The following CFAP77 variants were observed in gnomAD, a reference collection of about 807,000 sequenced individuals.
CFAP77 encodes cilia- and flagella-associated protein 77.
In CFAP77, 25 loss-of-function variants were observed where a neutral mutation model predicts 31.1. The observed-to-expected ratio is 0.80, with a 90% CI of 0.59 to 1.12. The LOEUF (loss-of-function observed/expected upper bound fraction) is 1.12, where lower values mean the gene tolerates loss of function less well. CFAP77 is among the 50% of genes most tolerant of loss of function. The probability of loss-of-function intolerance (pLI) is 0.00; values close to 1 mark genes in which losing one functional copy is unlikely to be tolerated. For synonymous variants in CFAP77, 151 were observed against 159.9 expected, an observed-to-expected ratio of 0.94 and a Z score of 0.42; for missense variants, 377 against 397.3, an observed-to-expected ratio of 0.95 and a Z score of 0.44.
intron 5 of CFAP77, among the ~76,000 whole-genome samples, chr9:132,561,100 C>T (rs1400660301): frequency 6.6e-6 from 1 of 152,140 alleles, no homozygotes. Flanking sequence ...AGCCTGCTCT[C>T]CCACGATGTC....
intron 5 of CFAP77, among the ~76,000 whole-genome samples, chr9:132,561,372 C>A (rs191080968): frequency 3.3e-5 from 5 of 151,722 alleles, no homozygotes; most frequent in Admixed American, 6.6e-5. Context: ...TTTTCCCCCC[C>A]CAAATCCTCC....
chr9:132,570,176 C>G (rs1054060573), intron 5 of CFAP77, among the ~76,000 whole-genome samples: 1 of 152,206 alleles, frequency 6.6e-6, no homozygotes, highest in Non-Finnish European at 1.5e-5. Context: ...CTGTGCAAGG[C>G]CTTCTCTCTT....
intron 1 of CFAP77, among the ~76,000 whole-genome samples, chr9:132,415,725 G>C (rs1197955201): frequency 6.6e-6 from 1 of 152,086 alleles, no homozygotes; most frequent in African/African-American, 2.4e-5. Context: ...CTGCCTGCTT[G>C]TTCCTTATTT....
chr9:132,572,221 C>T (rs935190406), intron 5 of CFAP77, among the ~76,000 whole-genome samples, 167 bp from the exon 6 acceptor site: 6 of 152,144 alleles, frequency 3.9e-5, no homozygotes, highest in South Asian at 2.1e-4. Flanking sequence ...CTCTCTGCCT[C>T]GTGGCTCAGC....
intron 3 of CFAP77, among the ~76,000 whole-genome samples, chr9:132,519,046 G>A (rs1414694936): frequency 3.9e-5 from 6 of 152,160 alleles, no homozygotes; most frequent in Non-Finnish European, 8.8e-5. Context: ...CAGGCAGGGA[G>A]TGTGAGCTGT....
At chr9:132,542,723 G>GGGTCCCACCCCCCCTCCCCC (rs1852666471) in intron 4 of CFAP77, among the ~76,000 whole-genome samples, 1 of 152,146 alleles carries the variant, frequency 6.6e-6, no homozygotes, top group Non-Finnish European at 1.5e-5. Flanking sequence ...GGGTGTCCTG[G>GGGTCCCACCCCCCCTCCCCC]GGTCCCACCC....
At position 132,498,412 on chromosome 9, in the gene CFAP77, C is replaced by G. The variant is rs548074722; in HGVS notation, c.196-283C>G. Among the ~76,000 whole-genome samples, 2 of 152,246 alleles carry G rather than the reference C, an allele frequency of 1.3e-5. No individual in the cohort carries two copies. The highest frequency in any genetic ancestry group is 4.8e-5 in the African/African-American group (2 of 41,536). On this transcript the variant is annotated intron_variant, in intron 1 of 5. Transcript: ENST00000393216. The surrounding 1 kb of genome is among the most constrained non-coding windows in gnomAD (Gnocchi z 4.2). The stretch of plus-strand genomic sequence containing the variant: ...AGCGGCTCAGCTCGGGGACTGTGCT[C>G]CCCACTCCAACAATACACATGTACC...
chr9:132,414,403 G>A (rs970043487), intron 1 of CFAP77, among the ~76,000 whole-genome samples: 6 of 152,022 alleles, frequency 3.9e-5, no homozygotes, highest in Non-Finnish European at 8.8e-5. Flanking sequence ...ACATGCACAC[G>A]TTTATAACTG....
chr9:132,488,632 G>A (rs1281552270), intron 1 of CFAP77, among the ~76,000 whole-genome samples: 3 of 152,340 alleles, frequency 2.0e-5, no homozygotes, highest in Non-Finnish European at 4.4e-5. Flanking sequence ...GGTAGCTTCG[G>A]ATCAAAGCAA....
intron 1 of CFAP77, among the ~76,000 whole-genome samples, chr9:132,420,434 C>G (rs555999389): frequency 6.6e-6 from 1 of 151,722 alleles, no homozygotes; most frequent in East Asian, 1.9e-4. Flanking sequence ...GGGCGGATCA[C>G]TTGAGGCCAG....
At chr9:132,533,935 G>A (rs1318428675) in intron 3 of CFAP77, among the ~76,000 whole-genome samples, 2 of 152,148 alleles carry the variant, frequency 1.3e-5, no homozygotes, top group Non-Finnish European at 2.9e-5. Flanking sequence ...TGGTCTAGAG[G>A]CTTGATTACA....
Position 132,545,295 on chromosome 9 carries a change from G to A in CFAP77, c.732+2248G>A, listed in dbSNP as rs1055251666. Among the ~76,000 whole-genome samples, 1 of 152,206 alleles carries A rather than the reference G, an allele frequency of 6.6e-6. No homozygotes were observed. Among genetic ancestry groups the A allele is most frequent in the East Asian group, 1.9e-4 (1 of 5,194 alleles). ...TGCATATTACTTCATTTCAGCCTCAGAACAAGAGTCCTGACCAGGTGGTGC... is the reference window on the plus strand; with the variant it reads ...TGCATATTACTTCATTTCAGCCTCAAAACAAGAGTCCTGACCAGGTGGTGC... On this transcript the variant is annotated intron_variant, in intron 5 of 5. Transcript: ENST00000393216. This position sits in a 1 kb window ranked among gnomAD's most constrained non-coding sequence, Gnocchi z 4.6.
At chr9:132,519,116 G>A (rs1331800429) in intron 3 of CFAP77, among the ~76,000 whole-genome samples, 1 of 149,586 alleles carries the variant, frequency 6.7e-6, no homozygotes, top group East Asian at 2.0e-4. Context: ...CCACCCCCAT[G>A]TTCAGACATA....
chr9:132,503,786 C>T (rs1256037260), intron 3 of CFAP77, among the ~76,000 whole-genome samples: 3 of 152,128 alleles, frequency 2.0e-5, no homozygotes, highest in Non-Finnish European at 4.4e-5. Flanking sequence ...CAGTGGCTCA[C>T]GCCTGTAATC....
At chr9:132,438,519 G>GTATATATATATATATATATATATATATA (rs34631762) in intron 1 of CFAP77, among the ~76,000 whole-genome samples, 1 of 116,676 alleles carries the variant, frequency 8.6e-6, no homozygotes, top group African/African-American at 3.4e-5. Flanking sequence ...AACAGATATG[G>GTATATATATATATATATATATATATATA]TATATATATA....
chr9:132,421,888 G>A (rs1338745534), intron 1 of CFAP77, among the ~76,000 whole-genome samples: 7 of 152,210 alleles, frequency 4.6e-5, no homozygotes, highest in Admixed American at 4.6e-4. Context: ...CTGCACACCT[G>A]AATGGCTTCT....
At chr9:132,440,873 T>C (rs938451740) in intron 1 of CFAP77, among the ~76,000 whole-genome samples, 1 of 152,182 alleles carries the variant, frequency 6.6e-6, no homozygotes, top group East Asian at 1.9e-4. Flanking sequence ...CTATTTTACA[T>C]AGACACTTTC....
intron 3 of CFAP77, among the ~76,000 whole-genome samples, chr9:132,529,185 T>G (rs1375876855): frequency 1.9e-5 from 2 of 103,250 alleles, no homozygotes; most frequent in Admixed American, 1.0e-4. Flanking sequence ...CCATAAAAAA[T>G]GATGAGTTCA....
chr9:132,572,263 C>G, intron 5 of CFAP77, 125 bp from the exon 6 acceptor site: 10 of 1,228,510 alleles, frequency 8.1e-6, no homozygotes, highest in Non-Finnish European at 1.1e-5. Context: ...GCTGTGACTT[C>G]CTCCCTCTTA....
Sources: gnomAD v4.1 joint callset for allele counts (sites outside exome capture counted in the v4.1 genomes callset) on GRCh38, gnomAD v4.1.1 for gene constraint, Gnocchi (gnomAD v3.1) non-coding constraint, MANE v1.5 for transcripts, NCBI Gene and HGNC (gene_info 2026-07-23, HGNC 2026-07-21) for gene names.